The following FAF1 variants were observed in gnomAD, a reference collection of about 807,000 sequenced individuals.
The protein encoded by FAF1 is Fas associated factor 1, also known as FAS-associated factor 1.
A neutral mutation model predicts 92.5 loss-of-function variants in FAF1; 25 were observed. The ratio of observed to expected loss-of-function variants is 0.27; its 90% CI spans 0.20 to 0.38. FAF1 has a LOEUF of 0.38. Ranked by LOEUF, FAF1 falls within the 10% of genes least tolerant of loss-of-function variation. The probability of loss-of-function intolerance (pLI) is 1.00; values close to 1 mark genes in which losing one functional copy is unlikely to be tolerated. For missense variants in FAF1, 636 were observed against 793.3 expected (o/e 0.80, Z 2.38); for synonymous variants, 234 against 273.2 (o/e 0.86, Z 1.42).
intron 8 of FAF1, among the ~76,000 whole-genome samples, chr1:50,610,388 C>A (rs558732562): frequency 1.3e-3 from 194 of 152,122 alleles, no homozygotes; most frequent in African/African-American, 4.5e-3. Flanking sequence ...CAAAAAGAAG[C>A]ATGGAAAAAG....
At chr1:50,931,286 C>T (rs1645045280) in intron 1 of FAF1, among the ~76,000 whole-genome samples, 1 of 152,086 alleles carries the variant, frequency 6.6e-6, no homozygotes. Flanking sequence ...AGTTTCTTAT[C>T]TGCATTGTTT....
chr1:50,873,091 C>A (rs546998838), intron 1 of FAF1, among the ~76,000 whole-genome samples: 66 of 152,204 alleles, frequency 4.3e-4, no homozygotes, highest in Non-Finnish European at 6.5e-4. Context: ...CCTTCACCAG[C>A]AAAAAGATTA....
intron 1 of FAF1, among the ~76,000 whole-genome samples, chr1:50,874,758 C>CTTTTTTTTTTTTTTT (rs755424291): frequency 1.3e-4 from 9 of 67,258 alleles, no homozygotes; most frequent in Non-Finnish European, 1.9e-4. Context: ...TCTTTTCTTT[C>CTTTTTTTTTTTTTTT]TTTTTTTTTT....
chr1:50,688,909 T>A (rs1223530072), intron 7 of FAF1, among the ~76,000 whole-genome samples: 3 of 152,156 alleles, frequency 2.0e-5, no homozygotes, highest in Non-Finnish European at 4.4e-5. Context: ...CTGAGTGAAA[T>A]AAGCCAAATA....
At chr1:50,467,702 A>G (rs1646515887) in intron 18 of FAF1, among the ~76,000 whole-genome samples, 1 of 152,194 alleles carries the variant, frequency 6.6e-6, no homozygotes, top group Admixed American at 6.5e-5. Flanking sequence ...TTAAGAACAC[A>G]GGCTCCGCAG....
chr1:50,750,250 T>C (rs545175452), intron 4 of FAF1, among the ~76,000 whole-genome samples: 2 of 152,330 alleles, frequency 1.3e-5, no homozygotes, highest in South Asian at 2.1e-4. Flanking sequence ...CAAGAACAAA[T>C]CACTGAATCC....
At position 50,733,444 on chromosome 1, in the gene FAF1, T is replaced by C. The variant is rs12085479; in HGVS notation, c.551+5419A>G. On this transcript the variant is annotated intron_variant, in intron 6 of 18. Transcript: ENST00000396153. ...CCGTATCTCTCTGCTATGAACTGAA[T>C]TGTGTCCCCCTAGAATTTATATGTT... 3.3e-5 allele frequency among the ~76,000 whole-genome samples: 5 copies of C among 152,076 alleles called. No homozygotes were observed. The East Asian group carries it at 5.8e-4, about 18-fold the overall frequency.
intron 1 of FAF1, among the ~76,000 whole-genome samples, chr1:50,928,141 T>C (rs761425198): frequency 1.6e-4 from 25 of 152,182 alleles, no homozygotes; most frequent in Admixed American, 5.2e-4. Flanking sequence ...GAGCCCTGCT[T>C]GAGTCCAACA....
chr1:50,848,389 G>C (rs189052381), intron 2 of FAF1, among the ~76,000 whole-genome samples: 36 of 152,308 alleles, frequency 2.4e-4, no homozygotes, highest in African/African-American at 7.9e-4. Flanking sequence ...TGTAGAATCT[G>C]TCTGATTATA....
intron 1 of FAF1, among the ~76,000 whole-genome samples, chr1:50,902,670 G>A (rs1055558160): frequency 3.9e-5 from 6 of 152,168 alleles, no homozygotes; most frequent in Admixed American, 6.5e-5. Flanking sequence ...TGCAAGTCTC[G>A]TCTATAAAAT....
chr1:50,504,777 A>G (rs1572791911), intron 15 of FAF1, among the ~76,000 whole-genome samples: 1 of 152,188 alleles, frequency 6.6e-6, no homozygotes, highest in East Asian at 1.9e-4. Context: ...TGCTGATCCA[A>G]TGATAAGACC....
intron 1 of FAF1, among the ~76,000 whole-genome samples, chr1:50,862,300 A>C (rs1255507633): frequency 6.6e-6 from 1 of 151,956 alleles, no homozygotes; most frequent in African/African-American, 2.4e-5. Context: ...TCTATCAATC[A>C]TCATCTTAAA....
At chr1:50,850,702 T>C (rs1644340904) in intron 2 of FAF1, among the ~76,000 whole-genome samples, 1 of 152,146 alleles carries the variant, frequency 6.6e-6, no homozygotes, top group Non-Finnish European at 1.5e-5. Flanking sequence ...ACAGAAATTT[T>C]GTACATGAAC....
chr1:50,493,034 C>CA (rs1553219172), intron 15 of FAF1, among the ~76,000 whole-genome samples: 1 of 137,974 alleles, frequency 7.2e-6, no homozygotes. Flanking sequence ...GATTAAACTT[C>CA]TTTTTTTTTT....
intron 18 of FAF1, among the ~76,000 whole-genome samples, chr1:50,463,286 T>C (rs558988833): frequency 6.6e-6 from 1 of 152,274 alleles, no homozygotes; most frequent in South Asian, 2.1e-4. Flanking sequence ...GAGAGGACCC[T>C]TGGAAGGTTG....
chr1:50,539,047 A>G (rs773854857), intron 14 of FAF1, among the ~76,000 whole-genome samples: 19 of 152,350 alleles, frequency 1.2e-4, no homozygotes, highest in Middle Eastern at 3.4e-3. Flanking sequence ...ACAGTAAACA[A>G]AACAAAATCA....
chr1:50,743,789 A>T (rs1440262058), intron 5 of FAF1, among the ~76,000 whole-genome samples: 1 of 152,064 alleles, frequency 6.6e-6, no homozygotes, highest in Non-Finnish European at 1.5e-5. Context: ...AAAAGTGTGT[A>T]AGCCCAGGTG....
chr1:50,539,546 A>T (rs767439293), intron 14 of FAF1, 46 bp downstream of exon 14: 2 of 1,451,682 alleles, frequency 1.4e-6, no homozygotes, highest in Non-Finnish European at 1.9e-6. Flanking sequence ...CTATAAAGTT[A>T]TCACATACCA....
chr1:50,817,107 G>A (rs986312452), intron 2 of FAF1, among the ~76,000 whole-genome samples: 2 of 152,050 alleles, frequency 1.3e-5, no homozygotes, highest in Admixed American at 6.6e-5. Flanking sequence ...TTTTGAAGTC[G>A]GGTAATGTGA....
Sources: gnomAD v4.1 joint callset for allele counts (sites outside exome capture counted in the v4.1 genomes callset) on GRCh38, gnomAD v4.1.1 for gene constraint, MANE v1.5 for transcripts, NCBI Gene and HGNC (gene_info 2026-07-23, HGNC 2026-07-21) for gene names.